The following CDIN1 variants were observed in gnomAD, a reference collection of about 807,000 sequenced individuals.
The protein encoded by CDIN1 is CDAN1-interacting nuclease 1.
In CDIN1, 33 loss-of-function variants were observed where a neutral mutation model predicts 45.3. The ratio of observed to expected loss-of-function variants is 0.73; its 90% CI spans 0.55 to 0.97. The LOEUF (loss-of-function observed/expected upper bound fraction) is 0.97. Among genes scored for constraint, CDIN1 ranks in the 50% least tolerant of loss-of-function variants. The pLI is 0.00. For synonymous variants in CDIN1, 118 were observed against 124.4 expected, an observed-to-expected ratio of 0.95 and a Z score of 0.34; for missense variants, 303 against 339.4, an observed-to-expected ratio of 0.89 and a Z score of 0.84.
At chr15:36,664,808 A>G (rs2041184408) in intron 5 of CDIN1, among the ~76,000 whole-genome samples, 1 of 152,204 alleles carries the variant, frequency 6.6e-6, no homozygotes, top group African/African-American at 2.4e-5. Context: ...GGCCTCCCAA[A>G]GTGCTGGGAT....
At chr15:36,779,028 A>C (rs778060924) in intron 10 of CDIN1, among the ~76,000 whole-genome samples, 7 of 152,198 alleles carry the variant, frequency 4.6e-5, no homozygotes, top group Non-Finnish European at 8.8e-5. Context: ...ATTTTTAATC[A>C]TATATTCATT....
Position 36,579,846 on chromosome 15 carries a change from G to T in CDIN1, c.-15G>T. 1.2e-6 allele frequency: 2 copies of T among 1,608,060 alleles called. No homozygotes were observed. The highest frequency in any genetic ancestry group is 2.2e-5 in the South Asian group (2 of 90,240). ...TTTTTCCTTGTTCCCGCCACCTCCT[G>T]GTCCCTGGCCCAACATGATACTGAC... On this transcript the variant is annotated 5_prime_UTR_variant, in exon 1 of 11. Coordinates refer to ENST00000566621, the MANE Select transcript of CDIN1 (RefSeq NM_001321759.2).
intron 1 of CDIN1, among the ~76,000 whole-genome samples, chr15:36,616,848 C>A (rs895938230): frequency 3.9e-5 from 6 of 152,018 alleles, no homozygotes; most frequent in African/African-American, 1.4e-4. Context: ...TTGCTTGGAC[C>A]TGGGAGGCAG....
chr15:36,758,713 T>C (rs1301542877), intron 10 of CDIN1, among the ~76,000 whole-genome samples: 1 of 152,206 alleles, frequency 6.6e-6, no homozygotes, highest in Non-Finnish European at 1.5e-5. Context: ...ATCTTTTTAA[T>C]GTTGTCTGAA....
intron 10 of CDIN1, among the ~76,000 whole-genome samples, chr15:36,768,252 T>A (rs1394022831): frequency 6.6e-6 from 1 of 152,206 alleles, no homozygotes; most frequent in Non-Finnish European, 1.5e-5. Flanking sequence ...AGCCCTGGAC[T>A]CTGCATGGAG....
intron 3 of CDIN1, among the ~76,000 whole-genome samples, chr15:36,650,931 C>G (rs1488100459): frequency 6.6e-6 from 1 of 152,002 alleles, no homozygotes; most frequent in African/African-American, 2.4e-5. Flanking sequence ...GGTGTGGTGG[C>G]ACGCTCCTGT....
intron 10 of CDIN1, among the ~76,000 whole-genome samples, chr15:36,728,451 A>G (rs1474460233): frequency 6.6e-6 from 1 of 151,906 alleles, no homozygotes; most frequent in East Asian, 1.9e-4. Context: ...TGTAAATTGG[A>G]TTTCTATTAG....
intron 10 of CDIN1, among the ~76,000 whole-genome samples, chr15:36,734,934 A>G (rs1362633023): frequency 1.3e-5 from 2 of 152,216 alleles, no homozygotes; most frequent in Non-Finnish European, 1.5e-5. Flanking sequence ...ACTAGTGAAC[A>G]CTAGATACAT....
At chr15:36,680,437 T>TA (rs2041809850) in intron 5 of CDIN1, among the ~76,000 whole-genome samples, 2 of 152,168 alleles carry the variant, frequency 1.3e-5, no homozygotes, top group Non-Finnish European at 2.9e-5. Context: ...GAGCTTTTGT[T>TA]AGTGGGCCAT....
chr15:36,668,023 T>A (rs970051528), intron 5 of CDIN1: 1 of 152,156 alleles, frequency 6.6e-6, no homozygotes, highest in Non-Finnish European at 1.5e-5. Flanking sequence ...TAACTTATTC[T>A]TGCTAAAACT....
intron 10 of CDIN1, among the ~76,000 whole-genome samples, chr15:36,712,501 T>C (rs2043091539): frequency 6.6e-6 from 1 of 152,000 alleles, no homozygotes; most frequent in African/African-American, 2.4e-5. Context: ...CCTGACCTCA[T>C]GATCCACCTT....
chr15:36,727,190 T>C (rs1362540255), intron 10 of CDIN1, among the ~76,000 whole-genome samples: 1 of 152,114 alleles, frequency 6.6e-6, no homozygotes, highest in Non-Finnish European at 1.5e-5. Flanking sequence ...TTCTTCTAAT[T>C]AGTTAATTTA....
At chr15:36,597,997 G>T (rs1189567257) in intron 1 of CDIN1, among the ~76,000 whole-genome samples, 2 of 152,120 alleles carry the variant, frequency 1.3e-5, no homozygotes, top group East Asian at 3.9e-4. Flanking sequence ...AACTTATTAT[G>T]ATTATTCTTT....
intron 8 of CDIN1, chr15:36,706,051 T>C (rs1329411946): frequency 6.6e-6 from 1 of 152,222 alleles, no homozygotes. Flanking sequence ...TTATGTTACT[T>C]AAACATCTAG....
At chr15:36,791,173 A>G (rs190092395) in intron 10 of CDIN1, among the ~76,000 whole-genome samples, 1 of 152,018 alleles carries the variant, frequency 6.6e-6, no homozygotes, top group Non-Finnish European at 1.5e-5. Context: ...CATTCAGCCC[A>G]TCTTACATAT....
chr15:36,753,011 G>A (rs942348383), intron 10 of CDIN1, among the ~76,000 whole-genome samples: 5 of 152,126 alleles, frequency 3.3e-5, no homozygotes, highest in African/African-American at 1.2e-4. Context: ...TATGATATTT[G>A]TGCAAAATAA....
intron 1 of CDIN1, among the ~76,000 whole-genome samples, chr15:36,580,675 A>G (rs2037001541): frequency 6.6e-6 from 1 of 152,212 alleles, no homozygotes; most frequent in African/African-American, 2.4e-5. Flanking sequence ...TCTCATTTTA[A>G]TGAAGTGGAA....
chr15:36,644,455 C>T (rs901336857), intron 2 of CDIN1, 132 bp downstream of exon 2: 8 of 893,770 alleles, frequency 9.0e-6, no homozygotes, highest in South Asian at 1.9e-5. Flanking sequence ...CATCAAGCAC[C>T]GCCTGCGTCT....
intron 10 of CDIN1, among the ~76,000 whole-genome samples, chr15:36,765,793 A>G (rs2053907617): frequency 6.6e-6 from 1 of 152,212 alleles, no homozygotes; most frequent in Admixed American, 6.5e-5. Flanking sequence ...GGACATAAGC[A>G]TCTACTCATG....
Sources: allele counts gnomAD v4.1 joint callset (sites outside exome capture counted in the v4.1 genomes callset), GRCh38; gene constraint gnomAD v4.1.1; transcripts MANE v1.5; gene names NCBI Gene and HGNC (gene_info 2026-07-23, HGNC 2026-07-21).